The following SYT1 variants were observed in gnomAD, a reference collection of about 807,000 sequenced individuals.
SYT1 encodes the protein synaptotagmin 1.
A neutral mutation model predicts 44.8 loss-of-function variants in SYT1; 8 were observed. That is an observed-to-expected ratio of 0.18 (90% CI 0.10 to 0.32). The LOEUF is 0.32. Among genes scored for constraint, SYT1 ranks in the 10% least tolerant of loss-of-function variants. The pLI is 1.00. For missense variants in SYT1, 286 were observed against 509.3 expected (o/e 0.56, Z 4.22); for synonymous variants, 154 against 188.8 (o/e 0.82, Z 1.51).
intron 9 of SYT1, among the ~76,000 whole-genome samples, chr12:79,390,060 G>A (rs957259509): frequency 2.6e-5 from 4 of 151,840 alleles, no homozygotes; most frequent in African/African-American, 9.7e-5. Context: ...AGCCTCCTGA[G>A]TAGCTGGGAC....
At chr12:79,115,797 AT>A in intron 3 of SYT1, among the ~76,000 whole-genome samples, 1 of 152,254 alleles carries the variant, frequency 6.6e-6, no homozygotes, top group Non-Finnish European at 1.5e-5. Context: ...CTGTTCCTTT[AT>A]TGCTCAGCAT....
chr12:78,964,613 T>A (rs1879674853), intron 1 of SYT1, among the ~76,000 whole-genome samples: 1 of 147,294 alleles, frequency 6.8e-6, no homozygotes, highest in Non-Finnish European at 1.5e-5. Context: ...TTTTACTATT[T>A]GTGCTCTAAA....
At chr12:78,937,033 C>G (rs1231050249) in intron 1 of SYT1, among the ~76,000 whole-genome samples, 2 of 151,950 alleles carry the variant, frequency 1.3e-5, no homozygotes, top group Non-Finnish European at 2.9e-5. Context: ...ATAAAACTGA[C>G]AAGAAGCTTT....
intron 1 of SYT1, among the ~76,000 whole-genome samples, chr12:78,879,421 C>T (rs1353427321): frequency 6.6e-6 from 1 of 151,730 alleles, no homozygotes; most frequent in African/African-American, 2.4e-5. Context: ...GTGCAACCAC[C>T]TACATGGCAG....
At chr12:79,382,692 C>G (rs956257572) in intron 9 of SYT1, among the ~76,000 whole-genome samples, 1 of 152,150 alleles carries the variant, frequency 6.6e-6, no homozygotes, top group Non-Finnish European at 1.5e-5. Context: ...CAGTGCTTAC[C>G]TCTTAGTCCT....
chr12:79,223,261 T>C, intron 4 of SYT1, among the ~76,000 whole-genome samples: 1 of 152,230 alleles, frequency 6.6e-6, no homozygotes, highest in East Asian at 1.9e-4. Context: ...AGGCTTTGTC[T>C]GTGAAAGCCC....
chr12:78,888,386 G>C (rs1874862479), intron 1 of SYT1, among the ~76,000 whole-genome samples: 1 of 151,764 alleles, frequency 6.6e-6, no homozygotes, highest in Non-Finnish European at 1.5e-5. Flanking sequence ...AATAAAAATA[G>C]ATTGACATCA....
intron 3 of SYT1, among the ~76,000 whole-genome samples, chr12:79,115,038 CTTT>C (rs1175209785): frequency 6.6e-6 from 1 of 152,188 alleles, no homozygotes; most frequent in African/African-American, 2.4e-5. Flanking sequence ...ACTCTTTTCT[CTTT>C]AAAGTTGAAA....
At chr12:78,869,428 C>A (rs1388391368) in intron 1 of SYT1, among the ~76,000 whole-genome samples, 3 of 151,920 alleles carry the variant, frequency 2.0e-5, no homozygotes, top group African/African-American at 7.2e-5. Flanking sequence ...TTACTGTCTA[C>A]ATCAATAAAA....
rs1175800719 is a variant in SYT1, at chr12:79,449,478, A to ATGTT, written c.*356_*359dup. 1 of 209,412 alleles carries ATGTT rather than the reference A, an allele frequency of 4.8e-6. No homozygotes were observed. Among genetic ancestry groups the ATGTT allele is most frequent in the African/African-American group, 2.3e-5 (1 of 42,782 alleles). The allele number at this position is 209,412 out of a possible 1,614,324, so 13.0% of individuals were successfully genotyped here. Reference sequence around the variant, plus strand: ...CGTTTCCTAATCTGTGTATATCTAGATGTTTTTAATAAGATGTTCTATTTT... The same window carrying ATGTT: ...CGTTTCCTAATCTGTGTATATCTAGATGTTTGTTTTTAATAAGATGTTCTATTTT... On this transcript the variant is annotated 3_prime_UTR_variant, in exon 11 of 11. Transcript: ENST00000261205.
At chr12:79,146,761 GT>G (rs1279399962) in intron 3 of SYT1, among the ~76,000 whole-genome samples, 1 of 152,112 alleles carries the variant, frequency 6.6e-6, no homozygotes, top group Admixed American at 6.6e-5. Flanking sequence ...TTTTCTGAAC[GT>G]TTTTAGATCT....
intron 3 of SYT1, among the ~76,000 whole-genome samples, chr12:79,118,577 T>C (rs1288362747): frequency 6.6e-6 from 1 of 152,184 alleles, no homozygotes; most frequent in Non-Finnish European, 1.5e-5. Context: ...ACAGCACTAG[T>C]ATAGAAATTA....
At chr12:79,377,055 C>T (rs1006430072) in intron 9 of SYT1, among the ~76,000 whole-genome samples, 4 of 152,018 alleles carry the variant, frequency 2.6e-5, no homozygotes, top group Non-Finnish European at 4.4e-5. Context: ...TACTGTGTGC[C>T]ATGTATTGTT....
intron 2 of SYT1, among the ~76,000 whole-genome samples, chr12:79,015,614 C>T (rs1278624047): frequency 6.6e-6 from 1 of 152,226 alleles, no homozygotes. Flanking sequence ...CAGAATATTT[C>T]GGTCTAATGG....
At chr12:79,357,618 T>C (rs1171702676) in intron 9 of SYT1, among the ~76,000 whole-genome samples, 1 of 152,182 alleles carries the variant, frequency 6.6e-6, no homozygotes, top group Non-Finnish European at 1.5e-5. Context: ...CACCATTCTA[T>C]AGGCAGTCCA....
At chr12:79,047,876 G>A (rs143169806) in intron 3 of SYT1, among the ~76,000 whole-genome samples, 6 of 151,962 alleles carry the variant, frequency 3.9e-5, no homozygotes, top group African/African-American at 1.4e-4. Flanking sequence ...AACTAAAAGT[G>A]TATTTCCTAG....
chr12:79,104,299 A>G (rs1878595392), intron 3 of SYT1, among the ~76,000 whole-genome samples: 1 of 152,060 alleles, frequency 6.6e-6, no homozygotes, highest in Non-Finnish European at 1.5e-5. Context: ...TCTGTTGCTT[A>G]CAAAACTGAA....
intron 3 of SYT1, among the ~76,000 whole-genome samples, chr12:79,083,079 TA>T (rs1264763786): frequency 6.6e-6 from 1 of 151,412 alleles, no homozygotes; most frequent in African/African-American, 2.4e-5. Context: ...AAAATATATT[TA>T]AAAAACAAAT....
intron 1 of SYT1, among the ~76,000 whole-genome samples, chr12:78,889,343 A>T (rs1281795865): frequency 9.2e-5 from 14 of 151,998 alleles, no homozygotes; most frequent in Non-Finnish European, 4.4e-5. Flanking sequence ...AAAAGTTAAG[A>T]TTCACTCACT....
Sources: gnomAD v4.1 joint callset for allele counts (sites outside exome capture counted in the v4.1 genomes callset) on GRCh38, gnomAD v4.1.1 for gene constraint, MANE v1.5 for transcripts, NCBI Gene and HGNC (gene_info 2026-07-23, HGNC 2026-07-21) for gene names.